Variants in RALGAPB observed in about 807,000 individuals in gnomAD.
RALGAPB encodes the protein ral GTPase-activating protein subunit beta.
RALGAPB carries 25 observed loss-of-function variants against 161.1 expected under a neutral mutation model. The ratio of observed to expected loss-of-function variants is 0.16; its 90% CI spans 0.11 to 0.22. RALGAPB has a LOEUF of 0.22. RALGAPB is among the 10% of genes least tolerant of loss of function. The pLI, the probability that RALGAPB is intolerant of heterozygous loss-of-function variation, is 1.00. For missense variants in RALGAPB, 1,391 were observed against 1,815.2 expected (o/e 0.77, Z 4.25); for synonymous variants, 629 against 626.1 (o/e 1.00, Z -0.07).
At chr20:38,481,407 TC>T (rs1431984847) in intron 1 of RALGAPB, among the ~76,000 whole-genome samples, 1 of 152,154 alleles carries the variant, frequency 6.6e-6, no homozygotes, top group East Asian at 1.9e-4. Context: ...TGGGGAAGCC[TC>T]ACAATCATGG....
In RALGAPB at chr20:38,578,339, G is replaced by A. The variant is rs1601112454; in HGVS notation, c.*3372G>A. 6.6e-6 allele frequency: 1 copy of A among 152,334 alleles called. No individual in the cohort carries two copies. Among genetic ancestry groups the A allele is most frequent in the East Asian group, 1.9e-4 (1 of 5,184 alleles). 9.4% of individuals were successfully genotyped at this position (152,334 alleles called of 1,614,324 possible). On this transcript the variant is annotated 3_prime_UTR_variant, in exon 30 of 30. Transcript: ENST00000262879. ...GCTAAAGAAGCCATGTACTTCTAGT[G>A]TGTTTCTCAGAATATCAACTCATGT...
chr20:38,547,409 C>G (rs1387734924), intron 19 of RALGAPB: 1 of 152,168 alleles, frequency 6.6e-6, no homozygotes, highest in African/African-American at 2.4e-5. Context: ...AAAACTCAGG[C>G]TCACAGAGGG....
At position 38,509,188 on chromosome 20, in the gene RALGAPB, T is replaced by C. The variant is rs764991069; in HGVS notation, c.852T>C (p.Phe284=). ...ATGAGTGTGTTGCACAGACATGGTT[T>C]CGCTTTTTACACATGTTAAGGTATT... is the stretch of plus-strand genomic sequence containing the variant. The part of the protein sequence containing the change: ...MDNECVAQTW[F]RFLHMLSNPV... The change falls in exon 6 of 30, where the codon TTT becomes TTC. Residue 284 remains phenylalanine (F), a synonymous_variant. Coordinates refer to ENST00000262879, the MANE Select transcript of RALGAPB (RefSeq NM_020336.4). The C allele has an allele frequency of 8.1e-6, 13 of 1,613,910 alleles. No individual in the cohort carries two copies. Among genetic ancestry groups the C allele is most frequent in the Admixed American group, 1.7e-5 (1 of 60,012 alleles).
chr20:38,517,395 C>A, intron 7 of RALGAPB, 111 bp from the exon 8 acceptor site: 1 of 1,104,144 alleles, frequency 9.1e-7, no homozygotes. Flanking sequence ...CTAGCAATCT[C>A]TGCTATAGTC....
chr20:38,574,389 A>G, intron 29 of RALGAPB, 91 bp downstream of exon 29: 5 of 1,375,676 alleles, frequency 3.6e-6, no homozygotes, highest in Non-Finnish European at 4.9e-6. Flanking sequence ...GGAAATGGTG[A>G]TAATTAATAG....
chr20:38,565,352 C>G lies in RALGAPB; in HGVS notation c.3698-7C>G, dbSNP rs1282765991. On this transcript the variant is annotated splice_polypyrimidine_tract_variant and splice_region_variant and intron_variant, in intron 24 of 29. Transcript: ENST00000262879. ...AGCGGTAATGTAGTGTTTCTTTTTCCCAGAAGAAGTGATTTCCTCTGAAGA... is the reference window on the plus strand; with the variant it reads ...AGCGGTAATGTAGTGTTTCTTTTTCGCAGAAGAAGTGATTTCCTCTGAAGA... 1.2e-6 allele frequency: 2 copies of G among 1,611,168 alleles called. No homozygotes were observed. Among genetic ancestry groups the G allele is most frequent in the Admixed American group, 3.3e-5 (2 of 59,710 alleles).
intron 6 of RALGAPB, 92 bp downstream of exon 6, chr20:38,509,300 G>A: frequency 2.2e-6 from 3 of 1,368,040 alleles, no homozygotes; most frequent in Non-Finnish European, 3.1e-6. Flanking sequence ...AATTCAGAAG[G>A]TGGACACTAA....
At chr20:38,539,993 A>C in intron 17 of RALGAPB, 35 bp downstream of exon 17, 1 of 1,567,684 alleles carries the variant, frequency 6.4e-7, no homozygotes, top group Non-Finnish European at 8.7e-7. Flanking sequence ...TTAAGTAAAA[A>C]CAAAAATGTA....
intron 9 of RALGAPB, chr20:38,520,136 G>A (rs2086245383): frequency 3.5e-6 from 1 of 283,592 alleles, no homozygotes; most frequent in Non-Finnish European, 5.3e-6. Flanking sequence ...CTTTTAAAAA[G>A]CTAAAAAGCT....
At chr20:38,485,793 TTTGTTTCTAATGTTTATGTTCTCTTCA>T (rs1445627245) in intron 1 of RALGAPB, among the ~76,000 whole-genome samples, 1 of 152,152 alleles carries the variant, frequency 6.6e-6, no homozygotes, top group Non-Finnish European at 1.5e-5. Flanking sequence ...TTTTTCCATG[TTTGTTTCTAATGTTTATGTTCTCTTCA>T]TTGTTTTACT....
intron 26 of RALGAPB, chr20:38,569,675 A>G (rs1221974877): frequency 6.4e-6 from 3 of 472,396 alleles, no homozygotes; most frequent in South Asian, 4.1e-5. Flanking sequence ...TTTTTCTTTG[A>G]CAATTTTAAG....
At chr20:38,563,550 G>T (rs2087867161) in intron 24 of RALGAPB, among the ~76,000 whole-genome samples, 1 of 152,190 alleles carries the variant, frequency 6.6e-6, no homozygotes, top group Non-Finnish European at 1.5e-5. Flanking sequence ...TTAAACTTAA[G>T]ACCTTTGCCC....
At chr20:38,489,364 A>G (rs1019082408) in intron 2 of RALGAPB, among the ~76,000 whole-genome samples, 2 of 152,076 alleles carry the variant, frequency 1.3e-5, no homozygotes, top group Admixed American at 1.3e-4. Flanking sequence ...ATTTTTTTAT[A>G]GAGATGATGT....
intron 1 of RALGAPB, among the ~76,000 whole-genome samples, chr20:38,479,549 C>T (rs1015984391): frequency 6.6e-6 from 1 of 152,178 alleles, no homozygotes; most frequent in Non-Finnish European, 1.5e-5. Flanking sequence ...GCACACACAA[C>T]CTCCAGAGAG....
chr20:38,493,490 A>G (rs1004377867), intron 3 of RALGAPB, among the ~76,000 whole-genome samples: 3 of 152,228 alleles, frequency 2.0e-5, no homozygotes, highest in Non-Finnish European at 2.9e-5. Flanking sequence ...CATCTACCTT[A>G]ATAGGCATCT....
At chr20:38,519,283 C>T (rs2086220782) in intron 9 of RALGAPB, among the ~76,000 whole-genome samples, 2 of 152,106 alleles carry the variant, frequency 1.3e-5, no homozygotes, top group South Asian at 4.1e-4. Flanking sequence ...AAAAAAATGA[C>T]TATTGGGTTA....
chr20:38,549,386 C>T (rs997187657), intron 20 of RALGAPB, among the ~76,000 whole-genome samples: 10 of 151,658 alleles, frequency 6.6e-5, no homozygotes, highest in Admixed American at 5.9e-4. Context: ...TGCCATGGCA[C>T]CCAGCTCATT....
intron 2 of RALGAPB, among the ~76,000 whole-genome samples, chr20:38,492,537 T>C (rs950911665): frequency 6.6e-6 from 1 of 152,212 alleles, no homozygotes; most frequent in Non-Finnish European, 1.5e-5. Flanking sequence ...TGACTTTATA[T>C]GATTTTCTAA....
intron 18 of RALGAPB, among the ~76,000 whole-genome samples, chr20:38,542,622 A>G (rs6064680): frequency 0.12 from 18,303 of 152,204 alleles, 3,041 homozygotes; most frequent in African/African-American, 0.37. Context: ...GGCTGGGCGC[A>G]GTGGCTGCAC....
Sources: gnomAD v4.1 joint callset for allele counts (sites outside exome capture counted in the v4.1 genomes callset) on GRCh38, gnomAD v4.1.1 for gene constraint, MANE v1.5 for transcripts, NCBI Gene and HGNC (gene_info 2026-07-23, HGNC 2026-07-21) for gene names.